Variants in CLCN5 observed in about 807,000 individuals in gnomAD.
CLCN5 encodes H(+)/Cl(-) exchange transporter 5.
In CLCN5, 17 loss-of-function variants were observed where a neutral mutation model predicts 54.0. The ratio of observed to expected loss-of-function variants is 0.31; its 90% CI spans 0.22 to 0.47. CLCN5 has a LOEUF of 0.47. Ranked by LOEUF, CLCN5 falls within the 20% of genes least tolerant of loss-of-function variation. CLCN5 has a pLI of 1.00. For missense variants in CLCN5, 448 were observed against 646.7 expected, an observed-to-expected ratio of 0.69 and a Z score of 3.33; for synonymous variants, 222 against 233.0, an observed-to-expected ratio of 0.95 and a Z score of 0.43.
chrX:49,997,471 C>T (rs1197387394), intron 3 of CLCN5, among the ~76,000 whole-genome samples: 2 of 111,058 alleles, frequency 1.8e-5, no homozygotes, highest in African/African-American at 6.6e-5. Context: ...CTCATACATT[C>T]AGTCTTCCTA....
rs1934257361 is a variant in CLCN5, at chrX:50,096,214, T to C, written c.*3995T>C. 9.0e-6 allele frequency: 1 copy of C among 111,659 alleles called. No individual in the cohort carries two copies. Among genetic ancestry groups the C allele is most frequent in the Admixed American group, 9.5e-5 (1 of 10,529 alleles). The allele number at this position is 111,659 out of a possible 1,213,427, so 9.2% of individuals were successfully genotyped here. A position where few individuals can be genotyped will look rare whatever the true frequency, so the allele number is the denominator to read the frequency against. ...AAAACCCGGAGAAAAATTAGGAATTTAGAAAGTAAGTGGGAGGTAGAATAT... is the reference window on the plus strand; with the variant it reads ...AAAACCCGGAGAAAAATTAGGAATTCAGAAAGTAAGTGGGAGGTAGAATAT... On this transcript the variant is annotated 3_prime_UTR_variant, in exon 15 of 15. Coordinates refer to ENST00000376091, the MANE Select transcript of CLCN5 (RefSeq NM_001127898.4).
At chrX:49,946,308 C>T (rs1194038410) in intron 3 of CLCN5, among the ~76,000 whole-genome samples, 2 of 111,595 alleles carry the variant, frequency 1.8e-5, no homozygotes, top group Non-Finnish European at 3.8e-5. Flanking sequence ...AGGAGATGGT[C>T]GTGGCTCAAC....
chrX:49,983,108 A>G (rs1557177884), intron 3 of CLCN5, among the ~76,000 whole-genome samples: 1 of 112,109 alleles, frequency 8.9e-6, no homozygotes, highest in African/African-American at 3.2e-5. Flanking sequence ...AATAAATGCT[A>G]CATCAGAGTT....
intron 3 of CLCN5, among the ~76,000 whole-genome samples, chrX:50,034,697 TC>T: frequency 9.0e-6 from 1 of 111,134 alleles, no homozygotes; most frequent in Middle Eastern, 4.6e-3. Flanking sequence ...CATGTCAATG[TC>T]ACTAGTAAAA....
intron 7 of CLCN5, among the ~76,000 whole-genome samples, chrX:50,080,213 T>A (rs782617156): frequency 1.4e-4 from 16 of 111,349 alleles, no homozygotes; most frequent in Admixed American, 9.6e-5. Context: ...GTTCAGCCAT[T>A]CCAAAAAAGC....
At chrX:50,068,492 C>T (rs1933115829) in intron 4 of CLCN5, among the ~76,000 whole-genome samples, 1 of 102,465 alleles carries the variant, frequency 9.8e-6, no homozygotes, top group Non-Finnish European at 2.0e-5. Context: ...CCCGCCCCCA[C>T]CCTACAGATG....
intron 3 of CLCN5, among the ~76,000 whole-genome samples, chrX:49,968,894 G>T (rs1928048697): frequency 1.2e-5 from 1 of 81,963 alleles, no homozygotes; most frequent in Non-Finnish European, 2.0e-5. Context: ...TACAACATGG[G>T]AGAAAATTTT....
intron 9 of CLCN5, among the ~76,000 whole-genome samples, chrX:50,082,775 G>C (rs1291896041): frequency 8.9e-6 from 1 of 112,081 alleles, no homozygotes; most frequent in Non-Finnish European, 1.9e-5. Flanking sequence ...AAAAGAAGTT[G>C]TTTATTGCTA....
chrX:50,017,984 A>G (rs1557183812), intron 3 of CLCN5, among the ~76,000 whole-genome samples: 1 of 111,666 alleles, frequency 9.0e-6, no homozygotes. Context: ...GCTAAACTTT[A>G]GAATCAGTTT....
chrX:49,944,817 T>G (rs1046142192), intron 3 of CLCN5, among the ~76,000 whole-genome samples: 18 of 111,803 alleles, frequency 1.6e-4, no homozygotes, highest in Admixed American at 1.2e-3. Context: ...AGTATTTTAT[T>G]GAGGAGTTTT....
At position 50,013,140 on chromosome X, in the gene CLCN5, CTCAA is replaced by C. The variant is rs782493895; in HGVS notation, c.17-29161_17-29158del. On this transcript the variant is annotated intron_variant, in intron 3 of 14. Transcript: ENST00000376091. ...CACTTTAATCTCAATCTGTCTCTCT[CTCAA>C]TCAATCAATCAATCTCTCTCCTCTC... The C allele has an allele frequency of 2.3e-3, 592 of 254,550 alleles. 3 individuals carry two copies. Among genetic ancestry groups the C allele is most frequent in the Middle Eastern group, 2.5e-3 (4 of 1,576 alleles). The allele number at this position is 254,550 out of a possible 1,213,427, so 21.0% of individuals were successfully genotyped here. A position where few individuals can be genotyped will look rare whatever the true frequency, so the allele number is the denominator to read the frequency against.
chrX:49,986,503 T>G (rs1278431904), intron 3 of CLCN5, among the ~76,000 whole-genome samples: 1 of 112,042 alleles, frequency 8.9e-6, no homozygotes, highest in Non-Finnish European at 1.9e-5. Context: ...AATAAATTGT[T>G]TTTTCCTTAG....
chrX:50,008,416 A>G (rs1557181871), intron 3 of CLCN5: 2 of 335,463 alleles, frequency 6.0e-6, no homozygotes, highest in Admixed American at 2.6e-5. Context: ...GAACATTCAC[A>G]GGGCTTTGTG....
At chrX:50,006,932 G>T (rs1930175446) in intron 3 of CLCN5, among the ~76,000 whole-genome samples, 1 of 111,577 alleles carries the variant, frequency 9.0e-6, no homozygotes, top group Non-Finnish European at 1.9e-5. Flanking sequence ...ACATGCTGGG[G>T]ATACTGGAGA....
At chrX:49,963,143 C>T (rs1927687963) in intron 3 of CLCN5, among the ~76,000 whole-genome samples, 1 of 111,621 alleles carries the variant, frequency 9.0e-6, no homozygotes, top group Non-Finnish European at 1.9e-5. Context: ...AGGATGGGTG[C>T]GAGAATGAAC....
chrX:50,060,695 T>C (rs1257206747), intron 4 of CLCN5, among the ~76,000 whole-genome samples: 75 of 112,053 alleles, frequency 6.7e-4, no homozygotes, highest in South Asian at 4.5e-3. Context: ...GGCTCCACCT[T>C]TGGGGGCAGG....
chrX:50,009,123 G>T (rs1313613960), intron 3 of CLCN5: 1 of 276,929 alleles, frequency 3.6e-6, no homozygotes, highest in Non-Finnish European at 7.2e-6. Context: ...CCTGCACTGG[G>T]TGGTGGAGAT....
At chrX:50,058,384 G>T (rs1932799645) in intron 4 of CLCN5, among the ~76,000 whole-genome samples, 1 of 110,550 alleles carries the variant, frequency 9.0e-6, no homozygotes, top group South Asian at 3.8e-4. Flanking sequence ...AATTTCTAAT[G>T]GCATATTGGT....
chrX:50,006,016 C>A (rs1402781468), intron 3 of CLCN5, among the ~76,000 whole-genome samples: 1 of 111,970 alleles, frequency 8.9e-6, no homozygotes, highest in Non-Finnish European at 1.9e-5. Flanking sequence ...ATCAGGATTA[C>A]AGTTTTCTGT....
Sources: allele counts gnomAD v4.1 joint callset (sites outside exome capture counted in the v4.1 genomes callset), GRCh38; gene constraint gnomAD v4.1.1; transcripts MANE v1.5; gene names NCBI Gene and HGNC (gene_info 2026-07-23, HGNC 2026-07-21).